The following ADAMTS3 variants were observed in gnomAD, a reference collection of about 807,000 sequenced individuals.
ADAMTS3 encodes A disintegrin and metalloproteinase with thrombospondin motifs 3.
In ADAMTS3, 73 loss-of-function variants were observed where a neutral mutation model predicts 129.0. The observed-to-expected ratio is 0.57, with a 90% CI of 0.47 to 0.69. The LOEUF (loss-of-function observed/expected upper bound fraction) is 0.69. Ranked by LOEUF, ADAMTS3 falls within the 30% of genes least tolerant of loss-of-function variation. ADAMTS3 has a pLI of 0.00. For synonymous variants in ADAMTS3, 477 were observed against 510.8 expected, an observed-to-expected ratio of 0.93 and a Z score of 0.89; for missense variants, 1,457 against 1,514.5, an observed-to-expected ratio of 0.96 and a Z score of 0.63.
intron 3 of ADAMTS3, among the ~76,000 whole-genome samples, chr4:72,487,921 T>C (rs539121373): frequency 1.3e-5 from 2 of 152,174 alleles, no homozygotes; most frequent in African/African-American, 2.4e-5. Context: ...AAAATAGCTC[T>C]TCCTAAGAGA....
chr4:72,391,290 C>T (rs1177682153), intron 4 of ADAMTS3, among the ~76,000 whole-genome samples: 2 of 152,144 alleles, frequency 1.3e-5, no homozygotes, highest in African/African-American at 4.8e-5. Flanking sequence ...TGTATATTGT[C>T]TCTCTCCCAT....
intron 4 of ADAMTS3, among the ~76,000 whole-genome samples, chr4:72,388,592 G>GA (rs976052908): frequency 6.6e-6 from 1 of 152,140 alleles, no homozygotes; most frequent in African/African-American, 2.4e-5. Flanking sequence ...ATGAACATTA[G>GA]AAAAAATAAA....
intron 3 of ADAMTS3, among the ~76,000 whole-genome samples, chr4:72,524,009 C>T (rs1367648314): frequency 6.6e-6 from 1 of 152,066 alleles, no homozygotes; most frequent in African/African-American, 2.4e-5. Context: ...ATGTATTTCC[C>T]TTTTAGGTTT....
intron 3 of ADAMTS3, among the ~76,000 whole-genome samples, chr4:72,461,144 CGAT>C (rs1718757981): frequency 6.6e-6 from 1 of 151,182 alleles, no homozygotes; most frequent in Non-Finnish European, 1.5e-5. Flanking sequence ...CATATCAACT[CGAT>C]GAACTATGAA....
chr4:72,439,633 C>T (rs1027499987), intron 3 of ADAMTS3, among the ~76,000 whole-genome samples: 3 of 151,386 alleles, frequency 2.0e-5, no homozygotes, highest in African/African-American at 7.3e-5. Flanking sequence ...TTAAAAAAAT[C>T]ACCACCCTAA....
chr4:72,399,876 A>G (rs1486861260), intron 4 of ADAMTS3, among the ~76,000 whole-genome samples: 2 of 99,324 alleles, frequency 2.0e-5, no homozygotes, highest in African/African-American at 4.1e-5. Flanking sequence ...GTATATATAC[A>G]CACACGGTGT....
chr4:72,530,475 A>AATATATAAATATATATAAAT (rs1553921195), intron 3 of ADAMTS3, among the ~76,000 whole-genome samples: 100 of 81,628 alleles, frequency 1.2e-3, no homozygotes, highest in Non-Finnish European at 1.8e-3. Context: ...ATATTAATTT[A>AATATATAAATATATATAAAT]ATATATAAAT....
intron 4 of ADAMTS3, among the ~76,000 whole-genome samples, chr4:72,396,669 G>T (rs182030283): frequency 3.9e-5 from 6 of 152,264 alleles, no homozygotes; most frequent in African/African-American, 1.4e-4. Context: ...ATGGACACAT[G>T]ACATTACTTT....
Position 72,281,888 on chromosome 4 carries a change from G to A in ADAMTS3, c.*1248C>T, listed in dbSNP as rs1188795077. On this transcript the variant is annotated 3_prime_UTR_variant, in exon 22 of 22. Coordinates refer to ENST00000286657, the MANE Select transcript of ADAMTS3 (RefSeq NM_014243.3). Reference sequence around the variant, plus strand: ...ACAAGTACTTTACATCTACTCCCTGGAGAGAGCATTTCTGGCTTTGCTGTG... The same window carrying A: ...ACAAGTACTTTACATCTACTCCCTGAAGAGAGCATTTCTGGCTTTGCTGTG... 6.6e-6 allele frequency: 1 copy of A among 152,120 alleles called. No individual in the cohort carries two copies. The highest frequency in any genetic ancestry group is 1.5e-5 in the Non-Finnish European group (1 of 68,022). 9.4% of individuals were successfully genotyped at this position (152,120 alleles called of 1,614,324 possible). A position where few individuals can be genotyped will look rare whatever the true frequency, so the allele number is the denominator to read the frequency against.
Position 72,313,701 on chromosome 4 carries a change from C to A in ADAMTS3, c.1721G>T (p.Arg574Ile). The A allele has an allele frequency of 6.2e-7, 1 of 1,613,628 alleles. No homozygotes were observed. The highest frequency in any genetic ancestry group is 8.5e-7 in the Non-Finnish European group (1 of 1,179,786). Residue 574 changes from arginine (R) to isoleucine (I), a missense_variant, in exon 12 of 22, where the codon AGA becomes ATA. By Grantham distance (97) the Arg-to-Ile change is moderately conservative (BLOSUM62 -3). Coordinates refer to ENST00000286657, the MANE Select transcript of ADAMTS3 (RefSeq NM_014243.3). ...SRTCGTGVRFRTRQCNNPMPI... is the reference protein window; with the variant it reads ...SRTCGTGVRFITRQCNNPMPI... Reference sequence around the variant, plus strand: ...CATGGGATTATTGCACTGGCGTGTTCTGAAACGAACACCAGTTCCACATGT... The same window carrying A: ...CATGGGATTATTGCACTGGCGTGTTATGAAACGAACACCAGTTCCACATGT...
At chr4:72,519,870 A>T (rs1282796594) in intron 3 of ADAMTS3, among the ~76,000 whole-genome samples, 3 of 151,922 alleles carry the variant, frequency 2.0e-5, no homozygotes, top group African/African-American at 7.3e-5. Flanking sequence ...GCTTTGTTCC[A>T]TTGCTGGTGA....
chr4:72,466,948 T>A (rs1030966791), intron 3 of ADAMTS3, among the ~76,000 whole-genome samples: 1 of 152,086 alleles, frequency 6.6e-6, no homozygotes, highest in African/African-American at 2.4e-5. Context: ...TTAGAGATGA[T>A]AATACCTCAA....
chr4:72,284,287 C>CA lies in ADAMTS3; in HGVS notation c.3050-584dup, dbSNP rs569056601. Among the ~76,000 whole-genome samples the CA allele has an allele frequency of 3.1e-3, 465 of 151,548 alleles. 5 individuals carry two copies. Among genetic ancestry groups the CA allele is most frequent in the Non-Finnish European group, 5.4e-3 (366 of 67,818 alleles). On this transcript the variant is annotated intron_variant, in intron 21 of 21. Coordinates refer to ENST00000286657, the MANE Select transcript of ADAMTS3 (RefSeq NM_014243.3). ...TGAAAAGCCGTCTCTACTAAAAATA[C>CA]AAAAAAAATTAGCCAGGCGCGGTGG...
At chr4:72,305,574 T>C (rs1307754127) in intron 16 of ADAMTS3, among the ~76,000 whole-genome samples, 1 of 152,032 alleles carries the variant, frequency 6.6e-6, no homozygotes, top group Non-Finnish European at 1.5e-5. Context: ...CCTCATATAG[T>C]TAGGAACCAA....
intron 3 of ADAMTS3, among the ~76,000 whole-genome samples, chr4:72,434,390 G>A (rs1411446363): frequency 4.2e-5 from 1 of 23,770 alleles, no homozygotes; most frequent in Non-Finnish European, 1.3e-4. Context: ...ACATGAACTC[G>A]TGTCTTTTAA....
At chr4:72,438,162 T>A (rs1446074934) in intron 3 of ADAMTS3, among the ~76,000 whole-genome samples, 1 of 151,642 alleles carries the variant, frequency 6.6e-6, no homozygotes, top group Non-Finnish European at 1.5e-5. Flanking sequence ...AGTAGGAAGA[T>A]AAGGAAGGAT....
intron 5 of ADAMTS3, among the ~76,000 whole-genome samples, chr4:72,338,006 C>T (rs896825556): frequency 1.3e-5 from 2 of 151,970 alleles, no homozygotes; most frequent in African/African-American, 4.8e-5. Context: ...AATAACATCT[C>T]CATAGGAAGT....
chr4:72,400,827 T>C (rs939553796), intron 4 of ADAMTS3, among the ~76,000 whole-genome samples: 2 of 149,910 alleles, frequency 1.3e-5, no homozygotes, highest in African/African-American at 4.9e-5. Context: ...GATATACACA[T>C]GGTGTGTATA....
chr4:72,505,429 G>A (rs1720136290), intron 3 of ADAMTS3, among the ~76,000 whole-genome samples: 1 of 152,206 alleles, frequency 6.6e-6, no homozygotes, highest in Non-Finnish European at 1.5e-5. Flanking sequence ...TTATGGGTAA[G>A]AGCCGGCTAT....
Sources: allele counts gnomAD v4.1 joint callset (sites outside exome capture counted in the v4.1 genomes callset), GRCh38; gene constraint gnomAD v4.1.1; transcripts MANE v1.5; gene names NCBI Gene and HGNC (gene_info 2026-07-23, HGNC 2026-07-21).